Variants in UQCC5 observed in about 807,000 individuals in gnomAD.
UQCC5 encodes ubiquinol-cytochrome c reductase complex assembly factor 5, also known as UPF0640 protein C3orf78.
chr3:52,540,240 A>T, the UQCC5 span, among the ~76,000 whole-genome samples: 4 of 152,258 alleles, frequency 2.6e-5, no homozygotes, highest in Admixed American at 1.3e-4. Context: ...TTAAGTCTAG[A>T]ACTCCATTAT....
At chr3:52,540,572 T>A in the UQCC5 span, 1 of 956,878 alleles carries the variant, frequency 1.0e-6, no homozygotes. Context: ...AGATCTCTTG[T>A]TCTGACACAG....
At chr3:52,540,527 C>T in the UQCC5 span, 174 of 1,410,586 alleles carry the variant, frequency 1.2e-4, no homozygotes, top group Non-Finnish European at 1.6e-4. Context: ...TGAATTTTTA[C>T]TATTGGTTTC....
chr3:52,536,752 G>C, the UQCC5 span: 3 of 1,551,792 alleles, frequency 1.9e-6, no homozygotes, highest in Non-Finnish European at 2.6e-6. Flanking sequence ...GACCTCGGTC[G>C]AGCATGTTCA....
chr3:52,540,145 G>T, the UQCC5 span, among the ~76,000 whole-genome samples: 1 of 152,250 alleles, frequency 6.6e-6, no homozygotes, highest in Non-Finnish European at 1.5e-5. Flanking sequence ...AATTATGGGG[G>T]AGAAGGAAGT....
At chr3:52,538,196 G>A in the UQCC5 span, among the ~76,000 whole-genome samples, 5 of 152,338 alleles carry the variant, frequency 3.3e-5, no homozygotes, top group Admixed American at 2.0e-4. Context: ...AGACAGCCCA[G>A]AGGTAGTACT....
the UQCC5 span, chr3:52,536,655 A>T: frequency 6.7e-7 from 1 of 1,503,516 alleles, no homozygotes; most frequent in South Asian, 1.3e-5. Flanking sequence ...CTAGTCTCCC[A>T]GGTCGCGGTA....
chr3:52,536,640 G>T, the UQCC5 span: 1 of 1,486,882 alleles, frequency 6.7e-7, no homozygotes. Context: ...GGAGGACGGC[G>T]CTCGCTAGTC....
At chr3:52,537,793 A>G in the UQCC5 span, among the ~76,000 whole-genome samples, 1 of 152,132 alleles carries the variant, frequency 6.6e-6, no homozygotes, top group African/African-American at 2.4e-5. Context: ...TAGATGGTGC[A>G]GGGAAGGCTT....
chr3:52,537,845 T>C, the UQCC5 span, among the ~76,000 whole-genome samples: 8 of 151,558 alleles, frequency 5.3e-5, no homozygotes, highest in African/African-American at 1.9e-4. Context: ...GAAGACTGAG[T>C]AGGTGTCAGT....
chr3:52,536,853 G>T, the UQCC5 span: 5 of 1,551,594 alleles, frequency 3.2e-6, no homozygotes, highest in Admixed American at 2.0e-5. Context: ...TTTGTCCTGG[G>T]AGGAACGATG....
chr3:52,536,623 CAGT>C, the UQCC5 span: 3 of 1,473,936 alleles, frequency 2.0e-6, no homozygotes, highest in South Asian at 4.1e-5. Flanking sequence ...GCCTACCAGA[CAGT>C]GGCGGAGGAC....
the UQCC5 span, among the ~76,000 whole-genome samples, chr3:52,537,265 GCCATT>G: frequency 6.6e-6 from 1 of 152,236 alleles, no homozygotes; most frequent in East Asian, 1.9e-4. Flanking sequence ...CTGCTAACTA[GCCATT>G]TCTCTTTGGA....
At chr3:52,540,200 T>G in the UQCC5 span, among the ~76,000 whole-genome samples, 1 of 152,236 alleles carries the variant, frequency 6.6e-6, no homozygotes, top group East Asian at 1.9e-4. Context: ...GACATGATTC[T>G]ATCTTTCAAG....
chr3:52,540,483 T>C, the UQCC5 span: 80 of 1,528,564 alleles, frequency 5.2e-5, no homozygotes, highest in Non-Finnish European at 6.7e-5. Flanking sequence ...GGAAGATGAA[T>C]GAGACTGAAC....
the UQCC5 span, chr3:52,540,562 A>G: frequency 1.9e-6 from 2 of 1,066,532 alleles, no homozygotes; most frequent in South Asian, 3.1e-5. Flanking sequence ...TATACTTTTC[A>G]GATCTCTTGT....
chr3:52,539,359 G>A, the UQCC5 span, among the ~76,000 whole-genome samples: 1 of 152,176 alleles, frequency 6.6e-6, no homozygotes, highest in Non-Finnish European at 1.5e-5. Flanking sequence ...GGGAAGAAAC[G>A]TGAGGTCCAA....
chr3:52,538,146 G>A, the UQCC5 span, among the ~76,000 whole-genome samples: 1 of 152,230 alleles, frequency 6.6e-6, no homozygotes, highest in Non-Finnish European at 1.5e-5. Context: ...GCCTGGTCTA[G>A]GTTGGGGCAG....
At chr3:52,538,778 AG>A in the UQCC5 span, among the ~76,000 whole-genome samples, 2 of 152,152 alleles carry the variant, frequency 1.3e-5, no homozygotes, top group Non-Finnish European at 1.5e-5. Flanking sequence ...CAACATTTTA[AG>A]GGTAACTGAG....
At chr3:52,536,714 T>G in the UQCC5 span, 2 of 1,549,850 alleles carry the variant, frequency 1.3e-6, no homozygotes, top group African/African-American at 2.7e-5. Context: ...GGCGATCCAG[T>G]GCTTAGTTCC....
Sources: gnomAD v4.1 joint callset for allele counts (sites outside exome capture counted in the v4.1 genomes callset) on GRCh38, gnomAD v4.1.1 for gene constraint, MANE v1.5 for transcripts, NCBI Gene and HGNC (gene_info 2026-07-23, HGNC 2026-07-21) for gene names.